Variants in PRR15L observed in about 807,000 individuals in gnomAD.
PRR15L encodes the protein proline-rich protein 15-like protein.
In PRR15L, 1 loss-of-function variant was observed where a neutral mutation model predicts 3.7. That is an observed-to-expected ratio of 0.27 (90% confidence interval 0.09 to 1.27). PRR15L has a LOEUF of 1.27. Among genes scored for constraint, PRR15L ranks in the 50% most tolerant of loss-of-function variants. PRR15L has a pLI of 0.47. For synonymous variants in PRR15L, 57 were observed against 51.9 expected, an observed-to-expected ratio of 1.10 and a Z score of -0.42; for missense variants, 127 against 128.7, an observed-to-expected ratio of 0.99 and a Z score of 0.06.
In PRR15L at chr17:47,952,677, T is replaced by C; in HGVS notation, c.*246A>G. 2 of 413,166 alleles carry C rather than the reference T, an allele frequency of 4.8e-6. No homozygotes were observed. The highest frequency in any genetic ancestry group is 7.4e-5 in the East Asian group (2 of 27,006). The allele number at this position is 413,166 out of a possible 1,614,324, so 25.6% of individuals were successfully genotyped here. ...GAGGGCTGTTCCTCCTGGGTGAGACTTTTCACTCTTGAACTAGAGTGCCTT... is the reference window on the plus strand; with the variant it reads ...GAGGGCTGTTCCTCCTGGGTGAGACCTTTCACTCTTGAACTAGAGTGCCTT... On this transcript the variant is annotated 3_prime_UTR_variant, in exon 2 of 2. Transcript: ENST00000300557.
chr17:47,955,415 G>A (rs1430130254), intron 1 of PRR15L, among the ~76,000 whole-genome samples: 6 of 152,056 alleles, frequency 3.9e-5, no homozygotes, highest in African/African-American at 7.2e-5. Flanking sequence ...CATACCCCTC[G>A]TGCTCTGGTC....
At position 47,953,252 on chromosome 17, in the gene PRR15L, G is replaced by A. The variant is rs1277439294; in HGVS notation, c.-18C>T. The A allele has an allele frequency of 6.5e-7, 1 of 1,541,744 alleles. No individual in the cohort carries two copies. The highest frequency in any genetic ancestry group is 8.7e-7 in the Non-Finnish European group (1 of 1,145,826). On this transcript the variant is annotated 5_prime_UTR_variant, in exon 2 of 2. Transcript: ENST00000300557. ...GTCGTCATGGCGCTCCCTAAGCCAA[G>A]GATGGGGCTTTCTGCTGGAGCAGGG...
At chr17:47,957,138 TG>T in intron 1 of PRR15L, among the ~76,000 whole-genome samples, 1 of 152,352 alleles carries the variant, frequency 6.6e-6, no homozygotes, top group Middle Eastern at 3.4e-3. Context: ...CCATACCAGC[TG>T]GGTTCTGTGA....
At chr17:47,957,419 G>C (rs527892360) in intron 1 of PRR15L, among the ~76,000 whole-genome samples, 7 of 152,252 alleles carry the variant, frequency 4.6e-5, no homozygotes, top group African/African-American at 1.4e-4. Context: ...GCTCCAGACT[G>C]GGGGGTCAGA....
At position 47,952,886 on chromosome 17, in the gene PRR15L, C is replaced by T; in HGVS notation, c.*37G>A. 2 of 1,565,310 alleles carry T rather than the reference C, an allele frequency of 1.3e-6. No individual in the cohort carries two copies. Among genetic ancestry groups the T allele is most frequent in the South Asian group, 2.4e-5 (2 of 84,830 alleles). On this transcript the variant is annotated 3_prime_UTR_variant, in exon 2 of 2. Coordinates refer to ENST00000300557, the MANE Select transcript of PRR15L (RefSeq NM_024320.4). ...GTCCTGTCTCAGATCTGGCTGATGGCAGGGAGCCAAGAGGTGCTAGCACCC... is the reference window on the plus strand; with the variant it reads ...GTCCTGTCTCAGATCTGGCTGATGGTAGGGAGCCAAGAGGTGCTAGCACCC...
chr17:47,953,278 T>TG lies in PRR15L; in HGVS notation c.-29-16dup, dbSNP rs3833856. 447,092 of 1,450,364 alleles carry TG rather than the reference T, an allele frequency of 0.31. 75,043 individuals are homozygous for TG. The highest frequency in any genetic ancestry group is 0.42 in the Admixed American group (19,153 of 45,348). The allele number at this position is 1,450,364 out of a possible 1,614,324, so 89.8% of individuals were successfully genotyped here. On this transcript the variant is annotated splice_polypyrimidine_tract_variant and intron_variant, in intron 1 of 1. Transcript: ENST00000300557. ...GATGGGGCTTTCTGCTGGAGCAGGG[T>TG]GGGGGAGACAAAGGGGTCAGTGGGA...
chr17:47,956,598 A>C (rs919624766), intron 1 of PRR15L, among the ~76,000 whole-genome samples: 2 of 152,230 alleles, frequency 1.3e-5, no homozygotes, highest in Non-Finnish European at 2.9e-5. Flanking sequence ...GACTTATGGA[A>C]ATCTGAGTTT....
chr17:47,956,476 A>C (rs1567717930), intron 1 of PRR15L, among the ~76,000 whole-genome samples: 1 of 152,178 alleles, frequency 6.6e-6, no homozygotes, highest in Admixed American at 6.5e-5. Context: ...TTTTCTCAAA[A>C]AACAACAACA....
Position 47,953,332 on chromosome 17 carries a change from T to A in PRR15L, c.-29-69A>T, listed in dbSNP as rs1181392984. On this transcript the variant is annotated intron_variant, in intron 1 of 1. Coordinates refer to ENST00000300557, the MANE Select transcript of PRR15L (RefSeq NM_024320.4). ...GGGGGTGGGTGCCTTTGGACCAGCT[T>A]GCTGCAGACTCCTAATCATGGGCTG... 3.3e-6 allele frequency: 3 copies of A among 899,630 alleles called. No individual in the cohort carries two copies. In the East Asian group the frequency reaches 7.3e-5, roughly 22 times the overall value. The allele number at this position is 899,630 out of a possible 1,614,324, so 55.7% of individuals were successfully genotyped here.
Position 47,953,013 on chromosome 17 carries a change from T to C in PRR15L, c.222A>G (p.Gly74=), listed in dbSNP as rs774366877. ...TCACTTTCTTCTTCTCCTTGAAGCGTCCTGAGTTGGAGACCTTGACGTGCT... is the reference window on the plus strand; with the variant it reads ...TCACTTTCTTCTTCTCCTTGAAGCGCCCTGAGTTGGAGACCTTGACGTGCT... ...KGKHVKVSNS[G]RFKEKKKVRA... Residue 74 remains glycine, a synonymous_variant, in exon 2 of 2, where the codon GGA becomes GGG. Transcript: ENST00000300557. 8.7e-6 allele frequency: 14 copies of C among 1,614,046 alleles called. No individual in the cohort carries two copies. The highest frequency in any genetic ancestry group is 1.1e-5 in the South Asian group (1 of 91,084).
Position 47,952,704 on chromosome 17 carries a change from G to C in PRR15L, c.*219C>G. 1 of 491,318 alleles carries C rather than the reference G, an allele frequency of 2.0e-6. No individual in the cohort carries two copies. 30.4% of individuals were successfully genotyped at this position (491,318 alleles called of 1,614,324 possible). A position where few individuals can be genotyped will look rare whatever the true frequency, so the allele number is the denominator to read the frequency against. ...TTCACTCTTGAACTAGAGTGCCTTT[G>C]TATGTGGTCAGGGGGAGGGTGGAGG... is the stretch of plus-strand genomic sequence containing the variant. On this transcript the variant is annotated 3_prime_UTR_variant, in exon 2 of 2. Transcript: ENST00000300557.
At chr17:47,955,430 G>C (rs986139429) in intron 1 of PRR15L, among the ~76,000 whole-genome samples, 5 of 152,116 alleles carry the variant, frequency 3.3e-5, no homozygotes, top group Admixed American at 1.3e-4. Context: ...CTGGTCTCCT[G>C]CTCCCCACCC....
intron 1 of PRR15L, among the ~76,000 whole-genome samples, chr17:47,957,305 C>T (rs1380637485): frequency 6.6e-6 from 1 of 152,262 alleles, no homozygotes; most frequent in African/African-American, 2.4e-5. Flanking sequence ...CTCCCTCCCC[C>T]ATCCCTCTGC....
At chr17:47,953,319 C>T (rs1170723279) in intron 1 of PRR15L, 56 bp from the exon 2 acceptor site, 24 of 1,093,782 alleles carry the variant, frequency 2.2e-5, no homozygotes, top group South Asian at 4.6e-5. Context: ...GGGTGGGTGC[C>T]TTTGGACCAG....
At chr17:47,954,573 C>G (rs955067563) in intron 1 of PRR15L, among the ~76,000 whole-genome samples, 1 of 152,196 alleles carries the variant, frequency 6.6e-6, no homozygotes, top group African/African-American at 2.4e-5. Flanking sequence ...GCTGCCTTCC[C>G]TGGGGGCTCA....
chr17:47,952,651 G>T lies in PRR15L; in HGVS notation c.*272C>A. 1 of 352,892 alleles carries T rather than the reference G, an allele frequency of 2.8e-6. No homozygotes were observed. Among genetic ancestry groups the T allele is most frequent in the Non-Finnish European group, 5.2e-6 (1 of 192,834 alleles). 21.9% of individuals were successfully genotyped at this position (352,892 alleles called of 1,614,324 possible). A position where few individuals can be genotyped will look rare whatever the true frequency, so the allele number is the denominator to read the frequency against. Reference sequence around the variant, plus strand: ...CCTGCTGGCCCTGCCATTGCTTCAAGGAGGGCTGTTCCTCCTGGGTGAGAC... The same window carrying T: ...CCTGCTGGCCCTGCCATTGCTTCAATGAGGGCTGTTCCTCCTGGGTGAGAC... On this transcript the variant is annotated 3_prime_UTR_variant, in exon 2 of 2. Coordinates refer to ENST00000300557, the MANE Select transcript of PRR15L (RefSeq NM_024320.4).
chr17:47,952,968 G>T lies in PRR15L; in HGVS notation c.267C>A (p.Asn89Lys), dbSNP rs748773576. 4.3e-6 allele frequency: 7 copies of T among 1,614,112 alleles called. No individual in the cohort carries two copies. Among genetic ancestry groups the T allele is most frequent in the Non-Finnish European group, 2.5e-6 (3 of 1,180,026 alleles). ...KKKVRATLAE[N>K]PNLFDDHEEG... The stretch of plus-strand genomic sequence containing the variant: ...CCTCGTGATCATCAAAGAGGTTAGG[G>T]TTCTCTGCCAGCGTGGCTCTCACTT... The change falls in exon 2 of 2, where the codon AAC becomes AAA. Residue 89 changes from asparagine (N) to lysine (K), a missense_variant. Transcript: ENST00000300557.
chr17:47,956,777 G>T (rs2036133043), intron 1 of PRR15L, among the ~76,000 whole-genome samples: 2 of 152,240 alleles, frequency 1.3e-5, no homozygotes, highest in South Asian at 4.1e-4. Flanking sequence ...AAGTTGCAAA[G>T]AACAAGATAT....
In PRR15L at chr17:47,953,005, T is replaced by C. The variant is rs369054808; in HGVS notation, c.230A>G (p.Lys77Arg). The C allele has an allele frequency of 2.7e-5, 43 of 1,614,062 alleles. No individual in the cohort carries two copies. The Admixed American group carries it at 6.8e-4, about 26-fold the overall frequency. ...CGTGGCTCTCACTTTCTTCTTCTCC[T>C]TGAAGCGTCCTGAGTTGGAGACCTT... is the stretch of plus-strand genomic sequence containing the variant. The part of the protein sequence containing the change: ...HVKVSNSGRF[K>R]EKKKVRATLA... Residue 77 changes from lysine to arginine, a missense_variant, in exon 2 of 2, where the codon AAG becomes AGG. Lys to Arg is a conservative substitution (Grantham distance 26). Transcript: ENST00000300557.
Sources: allele counts gnomAD v4.1 joint callset (sites outside exome capture counted in the v4.1 genomes callset), GRCh38; gene constraint gnomAD v4.1.1; transcripts MANE v1.5; gene names NCBI Gene and HGNC (gene_info 2026-07-23, HGNC 2026-07-21).